The following PPFIA2 variants were observed in gnomAD, a reference collection of about 807,000 sequenced individuals.
PPFIA2 encodes the protein PPFI scaffold protein A2.
PPFIA2 carries 46 observed loss-of-function variants against 175.5 expected under a neutral mutation model. That is an observed-to-expected ratio of 0.26 (90% CI 0.21 to 0.34). PPFIA2 has a LOEUF of 0.34. Among genes scored for constraint, PPFIA2 ranks in the 10% least tolerant of loss-of-function variants. PPFIA2 has a pLI of 1.00. For missense variants in PPFIA2, 1,179 were observed against 1,506.1 expected (o/e 0.78, Z 3.60); for synonymous variants, 568 against 511.4 (o/e 1.11, Z -1.49).
At position 81,500,725 on chromosome 12, in the gene PPFIA2, G is replaced by A. The variant is rs528345939; in HGVS notation, c.304-42859C>T. Among the ~76,000 whole-genome samples, 9 of 152,212 alleles carry A rather than the reference G, an allele frequency of 5.9e-5. No homozygotes were observed. The South Asian group carries it at 8.3e-4, about 14-fold the overall frequency. On this transcript the variant is annotated intron_variant, in intron 4 of 32. Coordinates refer to ENST00000549396, the MANE Select transcript of PPFIA2 (RefSeq NM_003625.5). ...TATATCCCAGAGACATAGAGTTTCC[G>A]TTTCAAAAAGTCATGCATTCATGTG...
chr12:81,364,550 C>G (rs2032414731), intron 14 of PPFIA2, among the ~76,000 whole-genome samples: 1 of 151,596 alleles, frequency 6.6e-6, no homozygotes, highest in African/African-American at 2.4e-5. Flanking sequence ...CTGCACCTGG[C>G]TAATTTGTTT....
intron 3 of PPFIA2, among the ~76,000 whole-genome samples, chr12:81,750,227 T>C (rs1351740662): frequency 7.0e-6 from 1 of 143,790 alleles, no homozygotes; most frequent in African/African-American, 2.4e-5. Context: ...GAATGGAGTT[T>C]GCTGGGACAC....
chr12:81,695,421 C>T (rs1210262590), intron 3 of PPFIA2, among the ~76,000 whole-genome samples: 2 of 152,106 alleles, frequency 1.3e-5, no homozygotes, highest in Non-Finnish European at 2.9e-5. Context: ...CCTATCCCCT[C>T]TTGCTTGCTC....
At chr12:81,542,245 G>A (rs755597019) in intron 4 of PPFIA2, among the ~76,000 whole-genome samples, 1 of 152,048 alleles carries the variant, frequency 6.6e-6, no homozygotes, top group South Asian at 2.1e-4. Flanking sequence ...ACTGGGGTGA[G>A]TGCAGATACC....
intron 4 of PPFIA2, among the ~76,000 whole-genome samples, chr12:81,467,066 G>A (rs1199163705): frequency 6.6e-6 from 1 of 151,124 alleles, no homozygotes; most frequent in Non-Finnish European, 1.5e-5. Flanking sequence ...CACTAATACT[G>A]AAACTAATTT....
At chr12:81,325,705 T>A (rs1481658354) in intron 22 of PPFIA2, 72 bp downstream of exon 22, 58 of 1,150,100 alleles carry the variant, frequency 5.0e-5, no homozygotes, top group Non-Finnish European at 6.3e-5. Flanking sequence ...ACCACTCTCT[T>A]TTTAATTCCC....
chr12:81,410,805 T>C (rs2043811303), intron 7 of PPFIA2, among the ~76,000 whole-genome samples: 2 of 152,024 alleles, frequency 1.3e-5, no homozygotes, highest in South Asian at 4.2e-4. Context: ...TGGGAAACGA[T>C]TCTCTCTATC....
At chr12:81,473,138 T>C (rs1218617534) in intron 4 of PPFIA2, among the ~76,000 whole-genome samples, 3 of 152,146 alleles carry the variant, frequency 2.0e-5, no homozygotes, top group African/African-American at 7.2e-5. Flanking sequence ...CCGGGTGCGG[T>C]GACTCACGCC....
chr12:81,353,554 G>A (rs908499430), intron 16 of PPFIA2, among the ~76,000 whole-genome samples: 2 of 152,104 alleles, frequency 1.3e-5, no homozygotes, highest in African/African-American at 4.8e-5. Flanking sequence ...CAAGATTTTA[G>A]TAGAAATAAA....
rs73360676 is a variant in PPFIA2 at position 81,541,327 on chromosome 12, C to T, written c.304-83461G>A. Among the ~76,000 whole-genome samples the T allele has an allele frequency of 4.9e-3, 738 of 152,068 alleles. 7 individuals carry two copies. The highest frequency in any genetic ancestry group is 0.017 in the African/African-American group (707 of 41,480). On this transcript the variant is annotated intron_variant, in intron 4 of 32. Coordinates refer to ENST00000549396, the MANE Select transcript of PPFIA2 (RefSeq NM_003625.5). ...GAAATTGTTTGTGGCTCATTCACATCTGACAATTCTGTTCATGGGCTCCTC... is the reference window on the plus strand; with the variant it reads ...GAAATTGTTTGTGGCTCATTCACATTTGACAATTCTGTTCATGGGCTCCTC...
intron 32 of PPFIA2, chr12:81,261,165 A>G (rs977753102): frequency 2.0e-5 from 3 of 152,186 alleles, no homozygotes; most frequent in African/African-American, 7.2e-5. Context: ...AGTGTAAATC[A>G]GATTGATAAG....
intron 3 of PPFIA2, among the ~76,000 whole-genome samples, chr12:81,682,296 T>C (rs1415827570): frequency 1.3e-5 from 2 of 152,006 alleles, no homozygotes; most frequent in African/African-American, 4.8e-5. Context: ...TTCTAAGCCA[T>C]GGAGAGCACC....
intron 28 of PPFIA2, among the ~76,000 whole-genome samples, chr12:81,275,567 C>G (rs1323688995): frequency 6.6e-6 from 1 of 152,172 alleles, no homozygotes; most frequent in East Asian, 1.9e-4. Flanking sequence ...ACTTTCTTAT[C>G]TAAATTAAGC....
At chr12:81,549,331 T>C (rs7962211) in intron 4 of PPFIA2, among the ~76,000 whole-genome samples, 18,317 of 152,068 alleles carry the variant, frequency 0.12, 1,166 homozygotes, top group Middle Eastern at 0.18. Context: ...GATTAGAAGA[T>C]AATTAATGTA....
At chr12:81,359,400 T>C (rs780803834) in intron 15 of PPFIA2, among the ~76,000 whole-genome samples, 45 of 151,930 alleles carry the variant, frequency 3.0e-4, no homozygotes, top group Admixed American at 1.4e-3. Context: ...AGCAATGTAT[T>C]TGAGACTTAA....
In PPFIA2 at chr12:81,346,779, A is replaced by G. The variant is rs558415397; in HGVS notation, c.2232+754T>C. 3.9e-5 allele frequency among the ~76,000 whole-genome samples: 6 copies of G among 152,116 alleles called. No homozygotes were observed. The South Asian group carries it at 1.2e-3, about 32-fold the overall frequency. On this transcript the variant is annotated intron_variant, in intron 18 of 32. Transcript: ENST00000549396. ...ATATATTGAAAAGTTATAAAACTCTATCTTGGTGTATTGAAGCAATTATAA... is the reference window on the plus strand; with the variant it reads ...ATATATTGAAAAGTTATAAAACTCTGTCTTGGTGTATTGAAGCAATTATAA...
At chr12:81,446,366 T>C (rs2051257449) in intron 5 of PPFIA2, among the ~76,000 whole-genome samples, 1 of 152,070 alleles carries the variant, frequency 6.6e-6, no homozygotes, top group African/African-American at 2.4e-5. Flanking sequence ...ATGACAGAGG[T>C]GGAGGGAAAG....
intron 4 of PPFIA2, among the ~76,000 whole-genome samples, chr12:81,633,290 G>C (rs2063604244): frequency 6.6e-6 from 1 of 152,098 alleles, no homozygotes; most frequent in Admixed American, 6.5e-5. Context: ...GTAGCCTGCA[G>C]AGAGGCTTAG....
intron 4 of PPFIA2, among the ~76,000 whole-genome samples, chr12:81,514,729 T>C (rs1459843342): frequency 2.6e-5 from 4 of 151,968 alleles, no homozygotes; most frequent in East Asian, 1.9e-4. Context: ...TATACAATGA[T>C]AAAGTTGATG....
Sources: allele counts gnomAD v4.1 joint callset (sites outside exome capture counted in the v4.1 genomes callset), GRCh38; gene constraint gnomAD v4.1.1; transcripts MANE v1.5; gene names NCBI Gene and HGNC (gene_info 2026-07-23, HGNC 2026-07-21).